Variants in PARD3B observed in about 807,000 individuals in gnomAD.
The protein encoded by PARD3B is partitioning defective 3 homolog B.
PARD3B carries 103 observed loss-of-function variants against 130.2 expected under a neutral mutation model. That is an observed-to-expected ratio of 0.79 (90% CI 0.67 to 0.93). PARD3B has a LOEUF of 0.93. PARD3B is among the 40% of genes least tolerant of loss of function. PARD3B has a pLI of 0.00. For synonymous variants in PARD3B, 583 were observed against 553.2 expected, an observed-to-expected ratio of 1.05 and a Z score of -0.76; for missense variants, 1,609 against 1,499.2, an observed-to-expected ratio of 1.07 and a Z score of -1.21.
intron 16 of PARD3B, among the ~76,000 whole-genome samples, chr2:205,251,438 C>T (rs1348001145): frequency 6.6e-6 from 1 of 152,154 alleles, no homozygotes; most frequent in East Asian, 1.9e-4. Context: ...ACATTTTGTT[C>T]TAAATGCAAT....
At chr2:205,420,140 G>A (rs371611589) in intron 19 of PARD3B, among the ~76,000 whole-genome samples, 1 of 152,148 alleles carries the variant, frequency 6.6e-6, no homozygotes, top group South Asian at 2.1e-4. Context: ...AGGGTTCCAG[G>A]TGGAATTGAG....
chr2:204,659,394 T>G (rs2035730268), intron 1 of PARD3B, among the ~76,000 whole-genome samples: 1 of 152,166 alleles, frequency 6.6e-6, no homozygotes, highest in African/African-American at 2.4e-5. Context: ...GGCTAGGGGT[T>G]TCTAACTCAA....
intron 18 of PARD3B, among the ~76,000 whole-genome samples, chr2:205,328,976 A>G (rs2043024256): frequency 6.6e-6 from 1 of 152,200 alleles, no homozygotes; most frequent in Non-Finnish European, 1.5e-5. Flanking sequence ...ACTACCAATC[A>G]AAATCCTGCA....
chr2:204,572,016 TATC>T (rs1442056574), intron 1 of PARD3B, among the ~76,000 whole-genome samples: 1 of 152,096 alleles, frequency 6.6e-6, no homozygotes, highest in African/African-American at 2.4e-5. Context: ...TGAAAGGAAA[TATC>T]ATTTTCTCCC....
chr2:204,628,164 A>G (rs1337817537), intron 1 of PARD3B, among the ~76,000 whole-genome samples: 1 of 151,996 alleles, frequency 6.6e-6, no homozygotes, highest in African/African-American at 2.4e-5. Context: ...TTGGACTCTA[A>G]TTATTAACCA....
intron 21 of PARD3B, among the ~76,000 whole-genome samples, chr2:205,517,798 GT>G (rs1242119929): frequency 6.6e-6 from 1 of 152,096 alleles, no homozygotes; most frequent in Non-Finnish European, 1.5e-5. Context: ...GTTCTCATTA[GT>G]TTTAAAGAAC....
chr2:204,895,951 A>G (rs544469672), intron 2 of PARD3B, among the ~76,000 whole-genome samples: 4 of 152,332 alleles, frequency 2.6e-5, no homozygotes, highest in Admixed American at 6.5e-5. Context: ...AAAGGATAGT[A>G]CTATTGATTT....
At chr2:205,531,306 G>GAA (rs1206150523) in intron 21 of PARD3B, among the ~76,000 whole-genome samples, 2 of 152,116 alleles carry the variant, frequency 1.3e-5, no homozygotes, top group Non-Finnish European at 2.9e-5. Context: ...CCCAGAGAGA[G>GAA]AAACATGAAG....
At chr2:205,194,746 C>A (rs2036577787) in intron 15 of PARD3B, among the ~76,000 whole-genome samples, 1 of 151,774 alleles carries the variant, frequency 6.6e-6, no homozygotes, top group South Asian at 2.1e-4. Context: ...AAGACATGTG[C>A]AGAATCAATA....
chr2:205,070,354 A>T (rs927380421), intron 4 of PARD3B, among the ~76,000 whole-genome samples: 22 of 152,096 alleles, frequency 1.4e-4, no homozygotes, highest in African/African-American at 5.3e-4. Flanking sequence ...TGTTTTTTTA[A>T]ATCAGGATTT....
At chr2:205,401,147 C>A in intron 19 of PARD3B, 24 bp downstream of exon 19, 1 of 1,523,930 alleles carries the variant, frequency 6.6e-7, no homozygotes, top group East Asian at 2.3e-5. Flanking sequence ...CCGAGACCTT[C>A]ATTTTCTTTG....
chr2:204,613,764 G>A (rs2125119389), intron 1 of PARD3B, among the ~76,000 whole-genome samples: 1 of 152,020 alleles, frequency 6.6e-6, no homozygotes, highest in East Asian at 1.9e-4. Context: ...TATTGTATGG[G>A]TGCAATATTT....
intron 2 of PARD3B, among the ~76,000 whole-genome samples, chr2:204,958,175 T>C (rs1241619199): frequency 6.6e-6 from 1 of 152,182 alleles, no homozygotes; most frequent in Non-Finnish European, 1.5e-5. Context: ...TCTTTTTTAT[T>C]TTCTACATAG....
chr2:205,185,522 G>A (rs528470630), intron 13 of PARD3B, among the ~76,000 whole-genome samples: 1 of 152,296 alleles, frequency 6.6e-6, no homozygotes, highest in Non-Finnish European at 1.5e-5. Flanking sequence ...GATCTGTGGA[G>A]TGGGTTTGCT....
At chr2:204,966,864 A>AT (rs1211211832) in intron 3 of PARD3B, among the ~76,000 whole-genome samples, 1 of 152,204 alleles carries the variant, frequency 6.6e-6, no homozygotes, top group African/African-American at 2.4e-5. Flanking sequence ...TCCCTTACTC[A>AT]TAATAACTCA....
chr2:205,243,658 G>A (rs1462183317), intron 15 of PARD3B, among the ~76,000 whole-genome samples: 1 of 152,074 alleles, frequency 6.6e-6, no homozygotes, highest in East Asian at 1.9e-4. Context: ...AGTTAGTTGC[G>A]TTGTCTTATA....
chr2:204,567,030 C>G (rs1282843901), intron 1 of PARD3B, among the ~76,000 whole-genome samples: 1 of 152,066 alleles, frequency 6.6e-6, no homozygotes, highest in African/African-American at 2.4e-5. Context: ...AGGTGCCCAC[C>G]ACCACGCCCA....
rs539042791 is a variant in PARD3B at position 204,929,119 on chromosome 2, C to A, written c.223-36033C>A. ...AATACTTTTTTTTTTTCCATTTCAG[C>A]ATTCCAGAACTTAACCAAAAGTATT... On this transcript the variant is annotated intron_variant, in intron 2 of 22. Coordinates refer to ENST00000406610, the MANE Select transcript of PARD3B (RefSeq NM_001302769.2). Among the ~76,000 whole-genome samples, 76 of 151,914 alleles carry A rather than the reference C, an allele frequency of 5.0e-4. No individual in the cohort carries two copies. The South Asian group carries it at 0.015, about 30-fold the overall frequency.
At chr2:205,175,122 T>C (rs2035393682) in intron 12 of PARD3B, among the ~76,000 whole-genome samples, 1 of 152,202 alleles carries the variant, frequency 6.6e-6, no homozygotes, top group African/African-American at 2.4e-5. Context: ...TTTTACAGGC[T>C]GAATACTTTA....
Sources: allele counts gnomAD v4.1 joint callset (sites outside exome capture counted in the v4.1 genomes callset), GRCh38; gene constraint gnomAD v4.1.1; transcripts MANE v1.5; gene names NCBI Gene and HGNC (gene_info 2026-07-23, HGNC 2026-07-21).